Variants in PCDHGB1 observed in about 807,000 individuals in gnomAD.
PCDHGB1 encodes the protein protocadherin gamma-B1.
Under a neutral mutation model 56.6 loss-of-function variants are expected in PCDHGB1, and 34 were observed. The ratio of observed to expected loss-of-function variants is 0.60; its 90% confidence interval spans 0.46 to 0.80. PCDHGB1 has a LOEUF of 0.80. Among genes scored for constraint, PCDHGB1 ranks in the 30% least tolerant of loss-of-function variants. The probability of loss-of-function intolerance (pLI) is 0.00; values close to 1 mark genes in which losing one functional copy is unlikely to be tolerated. For missense variants in PCDHGB1, 1,278 were observed against 1,204.6 expected (o/e 1.06, Z -0.90); for synonymous variants, 561 against 505.9 (o/e 1.11, Z -1.46).
chr5:141,363,750 C>T (rs1326299943), intron 1 of PCDHGB1, among the ~76,000 whole-genome samples: 3 of 152,082 alleles, frequency 2.0e-5, no homozygotes, highest in Non-Finnish European at 4.4e-5. Flanking sequence ...CCTTGGTATT[C>T]TTATATGCAA....
chr5:141,487,181 C>T lies in PCDHGB1; in HGVS notation c.2410-7626C>T. 3 of 1,612,732 alleles carry T rather than the reference C, an allele frequency of 1.9e-6. No individual in the cohort carries two copies. The highest frequency in any genetic ancestry group is 1.1e-5 in the South Asian group (1 of 91,060). ...CTTAGTGTCCTTAGAGGAAGACACT[C>T]ATCCAGTTGTCCCAGATCTTCGAGA... On this transcript the variant is annotated intron_variant, in intron 1 of 3. Transcript: ENST00000523390. This position sits in a 1 kb window ranked among gnomAD's most constrained non-coding sequence, Gnocchi z 5.0.
intron 1 of PCDHGB1, chr5:141,377,130 G>A (rs1432999287): frequency 6.6e-6 from 1 of 152,218 alleles, no homozygotes; most frequent in Non-Finnish European, 1.5e-5. Flanking sequence ...TTAATTTTGT[G>A]GGGGAAAATA....
At chr5:141,414,520 A>G in intron 1 of PCDHGB1, 1 of 1,613,990 alleles carries the variant, frequency 6.2e-7, no homozygotes, top group Non-Finnish European at 8.5e-7. Flanking sequence ...AGTGGCAGAT[A>G]TCAATGACAA....
intron 1 of PCDHGB1, chr5:141,400,117 T>C (rs2093964744): frequency 1.2e-6 from 2 of 1,614,050 alleles, no homozygotes; most frequent in Non-Finnish European, 1.7e-6. Context: ...TGCTGACAGC[T>C]TGCAGGAGGT....
In PCDHGB1 at chr5:141,352,329, T is replaced by C. The variant is rs1202025884; in HGVS notation, c.2069T>C (p.Val690Ala). The change falls in exon 1 of 4, where the codon GTG (valine) becomes GCG (alanine). Residue 690 changes from valine to alanine, a missense_variant. Coordinates refer to ENST00000523390, the MANE Select transcript of PCDHGB1 (RefSeq NM_018922.3). Reference protein sequence around the residue: ...PQTELQFYLVVALALISVLFL... With the variant: ...PQTELQFYLVAALALISVLFL... ...ACGGAACTGCAGTTTTACCTGGTTGTGGCCTTGGCCTTGATCTCAGTGCTC... is the reference window on the plus strand; with the variant it reads ...ACGGAACTGCAGTTTTACCTGGTTGCGGCCTTGGCCTTGATCTCAGTGCTC... 1.1e-5 allele frequency: 17 copies of C among 1,613,954 alleles called. No homozygotes were observed. Among genetic ancestry groups the C allele is most frequent in the Non-Finnish European group, 1.4e-5 (17 of 1,179,912 alleles).
intron 1 of PCDHGB1, among the ~76,000 whole-genome samples, chr5:141,358,666 A>C (rs938947176): frequency 6.6e-6 from 1 of 152,134 alleles, no homozygotes; most frequent in Non-Finnish European, 1.5e-5. Context: ...AACTTTAATA[A>C]TTTTTAAATT....
chr5:141,390,408 T>C, intron 1 of PCDHGB1: 1 of 1,254,846 alleles, frequency 8.0e-7, no homozygotes, highest in Non-Finnish European at 1.1e-6. Context: ...AGGAAAGTTG[T>C]AGTCAGTTAA....
chr5:141,498,103 G>C (rs2099781622), intron 2 of PCDHGB1, among the ~76,000 whole-genome samples: 1 of 152,216 alleles, frequency 6.6e-6, no homozygotes. Context: ...GGTGGTGTGG[G>C]CGTATAATAG....
At chr5:141,417,972 C>T (rs2154547391) in intron 1 of PCDHGB1, 2 of 1,613,830 alleles carry the variant, frequency 1.2e-6, no homozygotes, top group Admixed American at 1.7e-5. Flanking sequence ...TACTCGATTC[C>T]GGAGGAGCTG....
At position 141,431,020 on chromosome 5, in the gene PCDHGB1, G is replaced by T. The variant is rs941765907; in HGVS notation, c.2410-63787G>T. ...CGCGCAGCGGCAGCTTGGTCACGGCGGGCAGGATAGACCGGGAGGAGCTCT... is the reference window on the plus strand; with the variant it reads ...CGCGCAGCGGCAGCTTGGTCACGGCTGGCAGGATAGACCGGGAGGAGCTCT... On this transcript the variant is annotated intron_variant, in intron 1 of 3. Coordinates refer to ENST00000523390, the MANE Select transcript of PCDHGB1 (RefSeq NM_018922.3). This position sits in a 1 kb window ranked among gnomAD's most constrained non-coding sequence, Gnocchi z 4.8. 2.5e-6 allele frequency: 4 copies of T among 1,614,050 alleles called. No homozygotes were observed. The East Asian group carries it at 8.9e-5, about 36-fold the overall frequency.
chr5:141,435,792 A>G (rs2097780110), intron 1 of PCDHGB1, among the ~76,000 whole-genome samples: 1 of 152,074 alleles, frequency 6.6e-6, no homozygotes, highest in South Asian at 2.1e-4. Context: ...AGGGAAACAT[A>G]ACGTCCCAAT....
intron 1 of PCDHGB1, chr5:141,423,156 C>T (rs62378456): frequency 0.034 from 55,171 of 1,613,388 alleles, 1,070 homozygotes; most frequent in Middle Eastern, 0.098. Context: ...AGCAGAGCCT[C>T]GTGGTGGCCG....
At chr5:141,383,028 CT>C (rs1561593940) in intron 1 of PCDHGB1, 2 of 1,613,814 alleles carry the variant, frequency 1.2e-6, no homozygotes, top group Non-Finnish European at 1.7e-6. Context: ...ACAAAGGGTC[CT>C]TTGTGGGAGA....
At chr5:141,427,896 C>T in intron 1 of PCDHGB1, 2 of 1,570,508 alleles carry the variant, frequency 1.3e-6, no homozygotes, top group Non-Finnish European at 1.7e-6. Context: ...CCAGGGCTCG[C>T]CCGCGCTCAG....
At chr5:141,411,562 C>A (rs569842846) in intron 1 of PCDHGB1, 1 of 152,054 alleles carries the variant, frequency 6.6e-6, no homozygotes, top group Non-Finnish European at 1.5e-5. Context: ...CCAGCCTGGG[C>A]GACAGAGTGC....
intron 2 of PCDHGB1, among the ~76,000 whole-genome samples, chr5:141,497,487 T>TCTCTCTCTC (rs1223198472): frequency 1.3e-5 from 2 of 151,562 alleles, no homozygotes; most frequent in Non-Finnish European, 2.9e-5. Flanking sequence ...GCGGAACCTC[T>TCTCTCTCTC]CTCTCTCTCC....
rs1324886463 is a variant in PCDHGB1 at position 141,351,217 on chromosome 5, TGGA to T, written c.962_964del (p.Gly321del). On this transcript the variant is annotated inframe_deletion, in exon 1 of 4. Coordinates refer to ENST00000523390, the MANE Select transcript of PCDHGB1 (RefSeq NM_018922.3). ...ATGTGTTGAGTGTGGAAGCTAAGGA[TGGA>T]GGAGTACACACAGCTCACTGTAATG... 6.2e-7 allele frequency: 1 copy of T among 1,613,936 alleles called. No homozygotes were observed. The highest frequency in any genetic ancestry group is 1.7e-5 in the Admixed American group (1 of 60,012).
chr5:141,384,217 A>G lies in PCDHGB1; in HGVS notation c.2409+31548A>G, dbSNP rs1026607669. 6 of 1,613,776 alleles carry G rather than the reference A, an allele frequency of 3.7e-6. No homozygotes were observed. The African/African-American group carries it at 8.0e-5, about 22-fold the overall frequency. On this transcript the variant is annotated intron_variant, in intron 1 of 3. Coordinates refer to ENST00000523390, the MANE Select transcript of PCDHGB1 (RefSeq NM_018922.3). The stretch of plus-strand genomic sequence containing the variant: ...CTTGTCCAGGGAAACTCACATATTC[A>G]TGCAGGTGGCAGACACCAACGATAA...
intron 1 of PCDHGB1, chr5:141,388,866 C>A (rs2091521937): frequency 2.5e-6 from 4 of 1,613,832 alleles, no homozygotes; most frequent in Non-Finnish European, 3.4e-6. Flanking sequence ...AATGATTGCG[C>A]AATGCACAGT....
Sources: gnomAD v4.1 joint callset for allele counts (sites outside exome capture counted in the v4.1 genomes callset) on GRCh38, gnomAD v4.1.1 for gene constraint, Gnocchi (gnomAD v3.1) non-coding constraint, MANE v1.5 for transcripts, NCBI Gene and HGNC (gene_info 2026-07-23, HGNC 2026-07-21) for gene names.